GPRC5C: variants seen among roughly 807,000 people sequenced by gnomAD.
The protein encoded by GPRC5C is G protein-coupled receptor class C group 5 member C.
Under a neutral mutation model 31.4 loss-of-function variants are expected in GPRC5C, and 22 were observed. The ratio of observed to expected loss-of-function variants is 0.70; its 90% CI spans 0.50 to 1.00. GPRC5C has a LOEUF of 1.00. GPRC5C is among the 50% of genes least tolerant of loss of function. The probability of loss-of-function intolerance (pLI) is 0.00; values close to 1 mark genes in which losing one functional copy is unlikely to be tolerated. For missense variants in GPRC5C, 557 were observed against 597.2 expected (o/e 0.93, Z 0.70); for synonymous variants, 249 against 257.5 (o/e 0.97, Z 0.32).
chr17:74,433,972 T>TTGGGCCTC (rs1196683390), intron 1 of GPRC5C, among the ~76,000 whole-genome samples: 17 of 152,270 alleles, frequency 1.1e-4, no homozygotes, highest in African/African-American at 3.1e-4. Context: ...TCAGGGCTGC[T>TTGGGCCTC]TGGGCCTCTG....
In GPRC5C at chr17:74,446,922, C is replaced by A; in HGVS notation, c.1220C>A (p.Thr407Asn). The A allele has an allele frequency of 6.2e-7, 1 of 1,614,148 alleles. No individual in the cohort carries two copies. Among genetic ancestry groups the A allele is most frequent in the Non-Finnish European group, 8.5e-7 (1 of 1,179,984 alleles). The change falls in exon 4 of 4, where the codon ACC becomes AAC. Residue 407 changes from threonine (T) to asparagine (N), a missense_variant. Transcript: ENST00000392627. ...CAGGTGATGGGCAGTGCCAACTCGACCCTGCGGGCTGAAGACATGTACTCG... is the reference window on the plus strand; with the variant it reads ...CAGGTGATGGGCAGTGCCAACTCGAACCTGCGGGCTGAAGACATGTACTCG... ...NSQVMGSANS[T>N]LRAEDMYSAQ...
rs559101313 is a variant in GPRC5C, at chr17:74,434,230, G to A, written c.-33+2089G>A. Among the ~76,000 whole-genome samples the A allele has an allele frequency of 6.6e-5, 10 of 152,316 alleles. No individual in the cohort carries two copies. The East Asian group carries it at 1.9e-3, about 29-fold the overall frequency. On this transcript the variant is annotated intron_variant, in intron 1 of 3. Coordinates refer to ENST00000392627, the MANE Select transcript of GPRC5C (RefSeq NM_022036.4). ...TGGAGCTGGGCTTCAGCTGTGGGGTGGGGGAGACTCAGGGCGGAAGGAGGT... is the reference window on the plus strand; with the variant it reads ...TGGAGCTGGGCTTCAGCTGTGGGGTAGGGGAGACTCAGGGCGGAAGGAGGT...
In GPRC5C at chr17:74,440,769, G is replaced by T; in HGVS notation, c.993G>T (p.Gln331His). 6.4e-7 allele frequency: 1 copy of T among 1,570,860 alleles called. No individual in the cohort carries two copies. Among genetic ancestry groups the T allele is most frequent in the Non-Finnish European group, 8.7e-7 (1 of 1,152,044 alleles). The change falls in exon 2 of 4, where the codon CAG becomes CAT. Residue 331 changes from glutamine (Q) to histidine (H), a missense_variant. Coordinates refer to ENST00000392627, the MANE Select transcript of GPRC5C (RefSeq NM_022036.4). The surrounding 1 kb of genome is among the most constrained non-coding windows in gnomAD (Gnocchi z 4.4). Reference sequence around the variant, plus strand: ...GCTATGAGACCATCCTGAAAGAGCAGAAGGGTCAGAGCATGTTCGTGGAGA... The same window carrying T: ...GCTATGAGACCATCCTGAAAGAGCATAAGGGTCAGAGCATGTTCGTGGAGA... ...GVGYETILKE[Q>H]KGQSMFVENK... is the part of the protein sequence containing the mutation.
chr17:74,438,865 C>G (rs989379687), intron 1 of GPRC5C, among the ~76,000 whole-genome samples: 1 of 152,230 alleles, frequency 6.6e-6, no homozygotes, highest in African/African-American at 2.4e-5. Context: ...TGGTTTTCTT[C>G]TCTGGCACAG....
At chr17:74,444,126 C>T (rs887111580) in intron 3 of GPRC5C, among the ~76,000 whole-genome samples, 2 of 152,232 alleles carry the variant, frequency 1.3e-5, no homozygotes, top group Non-Finnish European at 2.9e-5. Flanking sequence ...CCTTCAGCTG[C>T]ACTGCAGTGG....
At position 74,446,965 on chromosome 17, in the gene GPRC5C, G is replaced by A. The variant is rs367973260; in HGVS notation, c.1263G>A (p.Ala421=). The part of the protein sequence containing the change: ...EDMYSAQSHQ[A]ATPPKDGKNS... ...TGTACTCGGCCCAGAGCCACCAGGC[G>A]GCCACACCGCCGAAAGACGGCAAGA... The change falls in exon 4 of 4, where the codon GCG becomes GCA. Residue 421 remains alanine, a synonymous_variant. Transcript: ENST00000392627. The A allele has an allele frequency of 5.6e-5, 90 of 1,614,040 alleles. No individual in the cohort carries two copies. In the African/African-American group the frequency reaches 5.9e-4, roughly 11 times the overall value.
chr17:74,433,490 G>A (rs567722480), intron 1 of GPRC5C, among the ~76,000 whole-genome samples: 1 of 152,330 alleles, frequency 6.6e-6, no homozygotes, highest in South Asian at 2.1e-4. Flanking sequence ...CTCCTTCCAG[G>A]CACAGGCGTC....
downstream of GPRC5C, chr17:74,448,986 G>T (rs2055682022): frequency 1.0e-6 from 1 of 1,001,022 alleles, no homozygotes; most frequent in Admixed American, 2.4e-5. Context: ...TTTGGACGCT[G>T]GCTCAAGACT....
chr17:74,440,975 T>A lies in GPRC5C; in HGVS notation c.1051+148T>A. 4 of 621,314 alleles carry A rather than the reference T, an allele frequency of 6.4e-6. No homozygotes were observed. Among genetic ancestry groups the A allele is most frequent in the Non-Finnish European group, 9.1e-6 (4 of 438,504 alleles). 38.5% of individuals were successfully genotyped at this position (621,314 alleles called of 1,614,324 possible). A position where few individuals can be genotyped will look rare whatever the true frequency, so the allele number is the denominator to read the frequency against. On this transcript the variant is annotated intron_variant, in intron 2 of 3. Transcript: ENST00000392627. The surrounding 1 kb of genome is among the most constrained non-coding windows in gnomAD (Gnocchi z 4.4). ...AAGTGTCTCTAAATTCCATTTAATT[T>A]AAAGATTTTTTTTTTTCAGTTGGGC... is the stretch of plus-strand genomic sequence containing the variant.
Position 74,432,678 on chromosome 17 carries a change from G to A in GPRC5C, c.-33+537G>A, listed in dbSNP as rs867951591. On this transcript the variant is annotated intron_variant, in intron 1 of 3. Transcript: ENST00000392627. ...CGCTGAAAGTTTTCAAACCCGAGCC[G>A]GCTGGGGACTGGGGGGGTGGGGGAG... Among the ~76,000 whole-genome samples the A allele has an allele frequency of 3.2e-4, 48 of 151,696 alleles. 1 individual carries two copies. The highest frequency in any genetic ancestry group is 3.2e-3 in the Middle Eastern group (1 of 316).
At chr17:74,434,496 C>T (rs1283196913) in intron 1 of GPRC5C, among the ~76,000 whole-genome samples, 2 of 152,216 alleles carry the variant, frequency 1.3e-5, no homozygotes, top group Non-Finnish European at 2.9e-5. Flanking sequence ...TTTGAACGTT[C>T]AGGGATCAGA....
In GPRC5C at chr17:74,447,164, C is replaced by T. The variant is rs796575236; in HGVS notation, c.*136C>T. 6.2e-6 allele frequency: 9 copies of T among 1,448,940 alleles called. No individual in the cohort carries two copies. The African/African-American group carries it at 1.3e-4, about 21-fold the overall frequency. The allele number at this position is 1,448,940 out of a possible 1,614,324, so 89.8% of individuals were successfully genotyped here. ...GCCCCAGATCTGGAAGGGCCTCCCT[C>T]TCTGCCAGTGTTTGGGTGGGTGTCA... is the stretch of plus-strand genomic sequence containing the variant. On this transcript the variant is annotated 3_prime_UTR_variant, in exon 4 of 4. Transcript: ENST00000392627.
At chr17:74,442,751 A>G (rs1268952360) in intron 2 of GPRC5C, among the ~76,000 whole-genome samples, 1 of 152,194 alleles carries the variant, frequency 6.6e-6, no homozygotes, top group African/African-American at 2.4e-5. Context: ...CCTGCCGGGC[A>G]CTTGATCTTT....
At chr17:74,445,695 T>G (rs2055616094) in intron 3 of GPRC5C, 3 of 151,888 alleles carry the variant, frequency 2.0e-5, no homozygotes, top group Admixed American at 2.0e-4. Context: ...CTACAGAGAT[T>G]TGGTGGCAGC....
At chr17:74,432,787 C>T (rs1567955009) in intron 1 of GPRC5C, among the ~76,000 whole-genome samples, 1 of 151,880 alleles carries the variant, frequency 6.6e-6, no homozygotes, top group Non-Finnish European at 1.5e-5. Flanking sequence ...CCGCCTGCCT[C>T]TCGGTGGGAG....
chr17:74,449,031 C>A, downstream of GPRC5C: 1 of 513,032 alleles, frequency 1.9e-6, no homozygotes, highest in South Asian at 1.7e-5. Context: ...CCCGGGGAGC[C>A]TGCTCCTCCC....
chr17:74,448,986 G>A, downstream of GPRC5C: 1 of 1,001,140 alleles, frequency 1.0e-6, no homozygotes, highest in Non-Finnish European at 1.4e-6. Flanking sequence ...TTTGGACGCT[G>A]GCTCAAGACT....
chr17:74,444,260 G>A (rs923721883), intron 3 of GPRC5C, among the ~76,000 whole-genome samples: 1 of 152,190 alleles, frequency 6.6e-6, no homozygotes, highest in East Asian at 1.9e-4. Flanking sequence ...GAGGGACAAA[G>A]GAGGGTCTCA....
chr17:74,449,410 C>G, downstream of GPRC5C: 3 of 1,200,146 alleles, frequency 2.5e-6, no homozygotes, highest in South Asian at 3.8e-5. Flanking sequence ...ATCCTCATTC[C>G]TCTGTACCCA....
Sources: allele counts gnomAD v4.1 joint callset (sites outside exome capture counted in the v4.1 genomes callset), GRCh38; gene constraint gnomAD v4.1.1; non-coding constraint Gnocchi (gnomAD v3.1); transcripts MANE v1.5; gene names NCBI Gene and HGNC (gene_info 2026-07-23, HGNC 2026-07-21).